CSMD1: variants seen among roughly 807,000 people sequenced by gnomAD.
CSMD1 encodes CUB and sushi domain-containing protein 1.
Under a neutral mutation model 417.5 loss-of-function variants are expected in CSMD1, and 213 were observed. The observed-to-expected ratio is 0.51, with a 90% CI of 0.46 to 0.57. CSMD1 has a LOEUF of 0.57. Among genes scored for constraint, CSMD1 ranks in the 20% least tolerant of loss-of-function variants. The probability of loss-of-function intolerance (pLI) is 0.00; values close to 1 mark genes in which losing one functional copy is unlikely to be tolerated. For synonymous variants in CSMD1, 2,862 were observed against 1,736.8 expected, an observed-to-expected ratio of 1.65 and a Z score of -16.11; for missense variants, 6,923 against 4,529.7, an observed-to-expected ratio of 1.53 and a Z score of -15.17.
chr8:4,587,371 A>G (rs1799754298), intron 2 of CSMD1, among the ~76,000 whole-genome samples: 1 of 151,938 alleles, frequency 6.6e-6, no homozygotes, highest in Non-Finnish European at 1.5e-5. Context: ...AGTTCTTGAT[A>G]TATATGTATA....
chr8:4,854,779 G>C (rs910631403), intron 1 of CSMD1, among the ~76,000 whole-genome samples: 1 of 152,140 alleles, frequency 6.6e-6, no homozygotes, highest in African/African-American at 2.4e-5. Context: ...ACAGAGTCTC[G>C]CTGATTGCTA....
intron 3 of CSMD1, among the ~76,000 whole-genome samples, chr8:4,253,875 A>G (rs1056679171): frequency 1.3e-5 from 2 of 151,378 alleles, no homozygotes; most frequent in African/African-American, 4.8e-5. Flanking sequence ...TCTTATCTAC[A>G]AAGAGACACT....
chr8:4,029,895 G>T (rs557910881), intron 4 of CSMD1, among the ~76,000 whole-genome samples: 59 of 145,512 alleles, frequency 4.1e-4, no homozygotes, highest in Middle Eastern at 3.4e-3. Flanking sequence ...GGGAGAAATT[G>T]GTCAAAACAA....
chr8:3,078,107 G>C (rs948325000), intron 49 of CSMD1, among the ~76,000 whole-genome samples: 1 of 152,186 alleles, frequency 6.6e-6, no homozygotes, highest in Non-Finnish European at 1.5e-5. Context: ...AAATGTGTGA[G>C]ATATATAGTT....
chr8:4,334,184 G>T (rs758805197), intron 3 of CSMD1, among the ~76,000 whole-genome samples: 1 of 152,130 alleles, frequency 6.6e-6, no homozygotes, highest in Non-Finnish European at 1.5e-5. Flanking sequence ...TGGGATTACA[G>T]GTGTGAGCCA....
rs182025174 is a variant in CSMD1 at position 4,144,602 on chromosome 8, G to A, written c.416-112503C>T. On this transcript the variant is annotated intron_variant, in intron 3 of 69. Coordinates refer to ENST00000635120, the MANE Select transcript of CSMD1 (RefSeq NM_033225.6). The stretch of plus-strand genomic sequence containing the variant: ...CAGCTACTGTTAAGTCATAAAAGAG[G>A]TGAAGACAAGCTTGTTCTTGTTTGT... Among the ~76,000 whole-genome samples the A allele has an allele frequency of 8.7e-4, 132 of 151,008 alleles. 7 individuals carry two copies. The highest frequency in any genetic ancestry group is 3.1e-3 in the African/African-American group (126 of 40,406).
chr8:3,447,752 C>G lies in CSMD1; in HGVS notation c.1561+20960G>C, dbSNP rs531239228. On this transcript the variant is annotated intron_variant, in intron 12 of 69. Transcript: ENST00000635120. ...GGACAGGTCACTTGGAGTGGCCAGTCAGGTTCTCCGTGTTCCTGGATGTGG... is the reference window on the plus strand; with the variant it reads ...GGACAGGTCACTTGGAGTGGCCAGTGAGGTTCTCCGTGTTCCTGGATGTGG... Among the ~76,000 whole-genome samples, 10 of 152,292 alleles carry G rather than the reference C, an allele frequency of 6.6e-5. 1 individual carries two copies. In the South Asian group the frequency reaches 1.9e-3, roughly 28 times the overall value.
chr8:3,771,680 G>A (rs764113855), intron 5 of CSMD1, among the ~76,000 whole-genome samples: 5 of 152,120 alleles, frequency 3.3e-5, no homozygotes, highest in Middle Eastern at 3.2e-3. Context: ...GGAAGAGAAC[G>A]GAGAGGCCCC....
At chr8:3,034,191 G>A (rs1166208272) in intron 50 of CSMD1, among the ~76,000 whole-genome samples, 1 of 152,220 alleles carries the variant, frequency 6.6e-6, no homozygotes, top group Non-Finnish European at 1.5e-5. Context: ...TTAACAGGTA[G>A]AAGAAAAATA....
chr8:4,698,955 G>T (rs913985331), intron 1 of CSMD1, among the ~76,000 whole-genome samples: 1 of 149,588 alleles, frequency 6.7e-6, no homozygotes. Flanking sequence ...TTTCACCGTC[G>T]AACGAACACG....
intron 41 of CSMD1, among the ~76,000 whole-genome samples, chr8:3,140,446 A>C (rs1818370062): frequency 6.6e-6 from 1 of 152,330 alleles, no homozygotes; most frequent in African/African-American, 2.4e-5. Context: ...GAAGGGGAAC[A>C]CAGAAAGAGT....
At chr8:3,326,332 C>G (rs186052984) in intron 23 of CSMD1, among the ~76,000 whole-genome samples, 1 of 152,296 alleles carries the variant, frequency 6.6e-6, no homozygotes, top group East Asian at 1.9e-4. Flanking sequence ...ACTGTCTTTT[C>G]TTACAATGGT....
intron 5 of CSMD1, among the ~76,000 whole-genome samples, chr8:3,927,621 C>A (rs572803172): frequency 6.6e-6 from 1 of 152,062 alleles, no homozygotes; most frequent in Non-Finnish European, 1.5e-5. Context: ...GCCGACATCA[C>A]GCCACTGAAC....
intron 3 of CSMD1, among the ~76,000 whole-genome samples, chr8:4,208,475 TC>T (rs1375037023): frequency 6.6e-6 from 1 of 152,230 alleles, no homozygotes; most frequent in Non-Finnish European, 1.5e-5. Context: ...AATTGATGTT[TC>T]TATTCATCTG....
intron 3 of CSMD1, among the ~76,000 whole-genome samples, chr8:4,095,962 G>A (rs770767231): frequency 6.6e-6 from 1 of 152,064 alleles, no homozygotes; most frequent in Admixed American, 6.6e-5. Flanking sequence ...CCTAAAAGAA[G>A]GACAAAATAT....
Position 2,974,521 on chromosome 8 carries a change from G to GCACA in CSMD1, c.8669_8670insTGTG (p.Leu2891ValfsTer27), listed in dbSNP as rs759379789. On this transcript the variant is annotated frameshift_variant, in exon 56 of 70. Transcript: ENST00000635120. LOFTEE classifies it high-confidence loss of function. ...ACACTCTCGTGTCGTTGCCTATGAG[G>GCACA]CTCTCGCTCCCTCTGCAGGAGTAGT... The GCACA allele has an allele frequency of 7.4e-6, 12 of 1,613,626 alleles. 1 individual carries two copies. The South Asian group carries it at 1.3e-4, about 18-fold the overall frequency.
chr8:3,492,244 T>C (rs772625514), intron 11 of CSMD1, among the ~76,000 whole-genome samples: 1 of 152,142 alleles, frequency 6.6e-6, no homozygotes, highest in Non-Finnish European at 1.5e-5. Flanking sequence ...ACCAGTGGCA[T>C]GCCGCTGAGC....
intron 1 of CSMD1, among the ~76,000 whole-genome samples, chr8:4,769,993 C>G (rs1563339818): frequency 6.6e-6 from 1 of 151,974 alleles, no homozygotes; most frequent in Non-Finnish European, 1.5e-5. Flanking sequence ...CTCTCTCTCC[C>G]TCCCTTTTTG....
At chr8:4,834,290 G>A (rs1291555141) in intron 1 of CSMD1, among the ~76,000 whole-genome samples, 6 of 152,282 alleles carry the variant, frequency 3.9e-5, no homozygotes, top group Non-Finnish European at 5.9e-5. Flanking sequence ...TCATTTATGT[G>A]CTACACGTTA....
Sources: allele counts gnomAD v4.1 joint callset (sites outside exome capture counted in the v4.1 genomes callset), GRCh38; gene constraint gnomAD v4.1.1; transcripts MANE v1.5; gene names NCBI Gene and HGNC (gene_info 2026-07-23, HGNC 2026-07-21).